The following CSMD1 variants were observed in gnomAD, a reference collection of about 807,000 sequenced individuals.
The protein encoded by CSMD1 is CUB and sushi domain-containing protein 1.
CSMD1 carries 213 observed loss-of-function variants against 417.5 expected under a neutral mutation model. The ratio of observed to expected loss-of-function variants is 0.51; its 90% CI spans 0.46 to 0.57. CSMD1 has a LOEUF of 0.57. Among genes scored for constraint, CSMD1 ranks in the 20% least tolerant of loss-of-function variants. The pLI, the probability that CSMD1 is intolerant of heterozygous loss-of-function variation, is 0.00. For missense variants in CSMD1, 6,923 were observed against 4,529.7 expected (o/e 1.53, Z -15.17); for synonymous variants, 2,862 against 1,736.8 (o/e 1.65, Z -16.11).
At chr8:3,944,385 G>C (rs1473570344) in intron 5 of CSMD1, among the ~76,000 whole-genome samples, 1 of 152,098 alleles carries the variant, frequency 6.6e-6, no homozygotes, top group Non-Finnish European at 1.5e-5. Context: ...CTCTACGACT[G>C]AATATTGACA....
intron 7 of CSMD1, among the ~76,000 whole-genome samples, chr8:3,672,685 C>A (rs73183317): frequency 0.15 from 22,345 of 152,162 alleles, 1,973 homozygotes; most frequent in South Asian, 0.22. Context: ...GTTCCCAAGG[C>A]TGTCTCCAGT....
intron 26 of CSMD1, among the ~76,000 whole-genome samples, chr8:3,235,215 A>G (rs1352892449): frequency 1.3e-5 from 2 of 152,198 alleles, no homozygotes; most frequent in Admixed American, 6.5e-5. Context: ...TTTAAAAACA[A>G]AAGTTTAGGA....
chr8:3,142,523 G>A lies in CSMD1; in HGVS notation c.6183C>T (p.Leu2061=). 1.9e-6 allele frequency: 3 copies of A among 1,614,016 alleles called. No individual in the cohort carries two copies. The highest frequency in any genetic ancestry group is 2.5e-6 in the Non-Finnish European group (3 of 1,179,894). The change falls in exon 41 of 70, where the codon CTC becomes CTT. Residue 2061 remains leucine (L), a synonymous_variant. Coordinates refer to ENST00000635120, the MANE Select transcript of CSMD1 (RefSeq NM_033225.6). ...AALLSTTHET[L]IHFYSDHSQN... ...GCGAATGGTCACTATAAAAGTGGATGAGGGTTTCATGCGTTGTGCTCAGCA... is the reference window on the plus strand; with the variant it reads ...GCGAATGGTCACTATAAAAGTGGATAAGGGTTTCATGCGTTGTGCTCAGCA...
intron 2 of CSMD1, among the ~76,000 whole-genome samples, chr8:4,450,046 C>A (rs1486268489): frequency 6.6e-6 from 1 of 152,160 alleles, no homozygotes; most frequent in Non-Finnish European, 1.5e-5. Context: ...TGACTGGGTT[C>A]CACTTTTCTC....
intron 1 of CSMD1, among the ~76,000 whole-genome samples, chr8:4,960,275 A>G (rs976973628): frequency 6.6e-6 from 1 of 152,212 alleles, no homozygotes; most frequent in Non-Finnish European, 1.5e-5. Context: ...ACTATACATA[A>G]CATTTGTTTA....
At position 4,927,187 on chromosome 8, in the gene CSMD1, A is replaced by G. The variant is rs56067527; in HGVS notation, c.85+67145T>C. ...AATGGCACAATCTCAGCTCAGGGCA[A>G]TCTCCACCTCCCACGTTCAAGTGCT... On this transcript the variant is annotated intron_variant, in intron 1 of 69. Coordinates refer to ENST00000635120, the MANE Select transcript of CSMD1 (RefSeq NM_033225.6). Among the ~76,000 whole-genome samples, 64 of 151,110 alleles carry G rather than the reference A, an allele frequency of 4.2e-4. 1 individual carries two copies. Among genetic ancestry groups the G allele is most frequent in the African/African-American group, 1.5e-3 (63 of 41,200 alleles).
chr8:4,823,031 C>G (rs543911798), intron 1 of CSMD1, among the ~76,000 whole-genome samples: 1 of 152,076 alleles, frequency 6.6e-6, no homozygotes, highest in Non-Finnish European at 1.5e-5. Flanking sequence ...CTCATTCCAT[C>G]ACTGTGTCTG....
At chr8:3,206,043 G>A in intron 30 of CSMD1, among the ~76,000 whole-genome samples, 1 of 152,132 alleles carries the variant, frequency 6.6e-6, no homozygotes, top group East Asian at 1.9e-4. Context: ...GGAATCAAAG[G>A]AAAAATGTTT....
At chr8:3,410,500 C>T (rs35812877) in intron 12 of CSMD1, among the ~76,000 whole-genome samples, 14,680 of 152,150 alleles carry the variant, frequency 0.096, 778 homozygotes, top group Middle Eastern at 0.14. Flanking sequence ...CTCAGGAGGT[C>T]TGATGGTTTT....
At chr8:3,901,380 G>A (rs1249668335) in intron 5 of CSMD1, among the ~76,000 whole-genome samples, 1 of 152,052 alleles carries the variant, frequency 6.6e-6, no homozygotes, top group Non-Finnish European at 1.5e-5. Context: ...AGTGAAGATG[G>A]GCATATTTCA....
intron 1 of CSMD1, among the ~76,000 whole-genome samples, chr8:4,860,452 G>A (rs1347823501): frequency 6.6e-6 from 1 of 151,052 alleles, no homozygotes; most frequent in Non-Finnish European, 1.5e-5. Flanking sequence ...TTGCTCTCTT[G>A]GCCCTGCTCT....
intron 2 of CSMD1, among the ~76,000 whole-genome samples, chr8:4,561,267 G>T (rs928801650): frequency 2.6e-5 from 4 of 152,182 alleles, no homozygotes; most frequent in African/African-American, 9.6e-5. Flanking sequence ...CCAGCTACCT[G>T]GGAGGCTGAG....
intron 7 of CSMD1, among the ~76,000 whole-genome samples, chr8:3,638,381 C>A (rs1385792987): frequency 6.6e-6 from 1 of 151,866 alleles, no homozygotes; most frequent in Non-Finnish European, 1.5e-5. Flanking sequence ...AGCCAGGTAT[C>A]AGTTATTGGT....
chr8:3,345,474 G>A (rs1340451791), intron 22 of CSMD1, among the ~76,000 whole-genome samples: 1 of 152,074 alleles, frequency 6.6e-6, no homozygotes, highest in African/African-American at 2.4e-5. Context: ...CTGGGTTCAG[G>A]TTTCGCACTG....
At chr8:4,421,717 A>T (rs1430362151) in intron 2 of CSMD1, among the ~76,000 whole-genome samples, 2 of 152,052 alleles carry the variant, frequency 1.3e-5, no homozygotes, top group Non-Finnish European at 2.9e-5. Context: ...CGCACTAAAA[A>T]CACAGCTTAG....
chr8:3,506,695 T>C (rs918594087), intron 10 of CSMD1, among the ~76,000 whole-genome samples: 1 of 152,174 alleles, frequency 6.6e-6, no homozygotes, highest in African/African-American at 2.4e-5. Flanking sequence ...ATTTGGGGTG[T>C]CATGAAGATA....
intron 54 of CSMD1, among the ~76,000 whole-genome samples, chr8:2,989,600 A>G (rs1806204151): frequency 6.6e-6 from 1 of 152,254 alleles, no homozygotes; most frequent in Non-Finnish European, 1.5e-5. Flanking sequence ...AAATGCATCA[A>G]CGAATTTGTT....
intron 3 of CSMD1, among the ~76,000 whole-genome samples, chr8:4,293,678 T>A (rs1206810420): frequency 1.3e-5 from 2 of 152,146 alleles, no homozygotes; most frequent in African/African-American, 4.8e-5. Flanking sequence ...ATAATAACAA[T>A]CATATCTCAT....
At chr8:4,447,987 AT>A (rs1798914213) in intron 2 of CSMD1, among the ~76,000 whole-genome samples, 1 of 152,180 alleles carries the variant, frequency 6.6e-6, no homozygotes. Flanking sequence ...CCTCTTGGAA[AT>A]TTTTGCCAGG....
Sources: allele counts gnomAD v4.1 joint callset (sites outside exome capture counted in the v4.1 genomes callset), GRCh38; gene constraint gnomAD v4.1.1; transcripts MANE v1.5; gene names NCBI Gene and HGNC (gene_info 2026-07-23, HGNC 2026-07-21).